SHISA9: variants seen among roughly 807,000 people sequenced by gnomAD.
SHISA9 encodes protein shisa-9.
In SHISA9, 13 loss-of-function variants were observed where a neutral mutation model predicts 38.0. The ratio of observed to expected loss-of-function variants is 0.34; its 90% CI spans 0.22 to 0.54. The LOEUF (loss-of-function observed/expected upper bound fraction) is 0.54. SHISA9 is among the 20% of genes least tolerant of loss of function. The probability of loss-of-function intolerance (pLI) is 0.91; values close to 1 mark genes in which losing one functional copy is unlikely to be tolerated. For synonymous variants in SHISA9, 275 were observed against 242.0 expected, an observed-to-expected ratio of 1.14 and a Z score of -1.27; for missense variants, 538 against 575.8, an observed-to-expected ratio of 0.93 and a Z score of 0.67.
At chr16:13,340,907 C>T in the SHISA9 span, among the ~76,000 whole-genome samples, 2 of 152,206 alleles carry the variant, frequency 1.3e-5, no homozygotes, top group African/African-American at 4.8e-5. Context: ...ATATAATTTC[C>T]ATGGTTACTT....
rs1179587971 is a variant in SHISA9, at chr16:12,996,656, A to T, written c.691+79841A>T. Among the ~76,000 whole-genome samples, 3 of 152,060 alleles carry T rather than the reference A, an allele frequency of 2.0e-5. No homozygotes were observed. The East Asian group carries it at 5.8e-4, about 29-fold the overall frequency. ...CTGGATCAGTGGTTTTTAACCTGGG[A>T]TCTATGGGTCCTCAGGGTCTTTGGA... On this transcript the variant is annotated intron_variant, in intron 2 of 4. Coordinates refer to ENST00000558583, the MANE Select transcript of SHISA9 (RefSeq NM_001145204.3).
At chr16:12,978,257 T>C (rs937518285) in intron 2 of SHISA9, among the ~76,000 whole-genome samples, 13 of 152,342 alleles carry the variant, frequency 8.5e-5, no homozygotes, top group East Asian at 1.9e-4. Flanking sequence ...AACAGCTTAC[T>C]GTTTATTCTG....
At chr16:13,396,233 G>A in the SHISA9 span, among the ~76,000 whole-genome samples, 2 of 152,194 alleles carry the variant, frequency 1.3e-5, no homozygotes, top group African/African-American at 2.4e-5. Context: ...TCGGCCGGAT[G>A]CAATGGCTCA....
the SHISA9 span, among the ~76,000 whole-genome samples, chr16:13,248,979 A>G: frequency 1.4e-4 from 22 of 152,322 alleles, no homozygotes; most frequent in Middle Eastern, 3.4e-3. Flanking sequence ...CTATGAGTCG[A>G]GTCATTCACC....
At chr16:13,481,500 T>A in the SHISA9 span, among the ~76,000 whole-genome samples, 2 of 152,206 alleles carry the variant, frequency 1.3e-5, no homozygotes, top group African/African-American at 4.8e-5. Flanking sequence ...TAGAGGTGCA[T>A]CCCCTCTGCT....
the SHISA9 span, among the ~76,000 whole-genome samples, chr16:13,360,768 G>C: frequency 6.6e-6 from 1 of 152,154 alleles, no homozygotes; most frequent in East Asian, 1.9e-4. Flanking sequence ...ACACCAACAG[G>C]ACAACCTGCA....
the SHISA9 span, among the ~76,000 whole-genome samples, chr16:13,362,028 C>A: frequency 6.6e-6 from 1 of 152,084 alleles, no homozygotes; most frequent in Non-Finnish European, 1.5e-5. Context: ...ATTCACTTAA[C>A]ATTTCCAGGC....
chr16:13,356,856 A>G, the SHISA9 span, among the ~76,000 whole-genome samples: 1 of 152,192 alleles, frequency 6.6e-6, no homozygotes, highest in African/African-American at 2.4e-5. Context: ...ATTTTGCAGG[A>G]TGGAAAAATT....
chr16:13,080,114 C>T (rs1036509839), intron 2 of SHISA9, among the ~76,000 whole-genome samples: 3 of 152,188 alleles, frequency 2.0e-5, no homozygotes. Context: ...TGGCTCACGC[C>T]TGTAATCCCA....
intron 2 of SHISA9, among the ~76,000 whole-genome samples, chr16:13,120,460 G>T (rs1421781770): frequency 6.6e-6 from 1 of 152,192 alleles, no homozygotes; most frequent in Non-Finnish European, 1.5e-5. Flanking sequence ...TGCCCCAAAG[G>T]TTTCCCATGG....
chr16:12,974,989 C>G (rs1349648978), intron 2 of SHISA9, among the ~76,000 whole-genome samples: 1 of 152,016 alleles, frequency 6.6e-6, no homozygotes, highest in East Asian at 1.9e-4. Flanking sequence ...AGCATTGGTA[C>G]CTTGTTAACC....
chr16:13,227,095 T>C (rs1171583782), intron 4 of SHISA9, among the ~76,000 whole-genome samples: 1 of 152,206 alleles, frequency 6.6e-6, no homozygotes, highest in Admixed American at 6.5e-5. Context: ...GCAGGATGAA[T>C]GCCTGCCTCT....
chr16:12,983,237 G>T (rs1376877351), intron 2 of SHISA9, among the ~76,000 whole-genome samples: 1 of 152,214 alleles, frequency 6.6e-6, no homozygotes, highest in Non-Finnish European at 1.5e-5. Flanking sequence ...GCTTGTGGCA[G>T]CGGGGAGTGG....
At chr16:13,476,924 A>G in the SHISA9 span, among the ~76,000 whole-genome samples, 1 of 150,688 alleles carries the variant, frequency 6.6e-6, no homozygotes, top group Admixed American at 6.6e-5. Flanking sequence ...AATTTTTTGT[A>G]TTTTTTAGTA....
the SHISA9 span, among the ~76,000 whole-genome samples, chr16:13,487,693 T>C: frequency 6.6e-6 from 1 of 152,268 alleles, no homozygotes; most frequent in African/African-American, 2.4e-5. Context: ...AGATTACTTA[T>C]AATACTAACA....
intron 2 of SHISA9, among the ~76,000 whole-genome samples, chr16:13,059,938 C>T (rs192492800): frequency 2.6e-5 from 4 of 152,300 alleles, no homozygotes; most frequent in African/African-American, 7.2e-5. Context: ...GACTCCAGAA[C>T]CGTGAGACAA....
chr16:12,994,718 A>G (rs919317698), intron 2 of SHISA9, among the ~76,000 whole-genome samples: 1 of 152,216 alleles, frequency 6.6e-6, no homozygotes, highest in Non-Finnish European at 1.5e-5. Context: ...GAGCCTAATG[A>G]AGGTAGGACT....
the SHISA9 span, among the ~76,000 whole-genome samples, chr16:13,373,129 A>G: frequency 2.0e-5 from 3 of 152,308 alleles, no homozygotes; most frequent in Middle Eastern, 6.8e-3. Context: ...TTTTATGTGC[A>G]AAATACTGGT....
At chr16:13,474,562 C>T in the SHISA9 span, among the ~76,000 whole-genome samples, 1 of 152,166 alleles carries the variant, frequency 6.6e-6, no homozygotes, top group Non-Finnish European at 1.5e-5. Flanking sequence ...CCATGAATTA[C>T]AAGGTACTTT....
Sources: allele counts gnomAD v4.1 joint callset (sites outside exome capture counted in the v4.1 genomes callset), GRCh38; gene constraint gnomAD v4.1.1; transcripts MANE v1.5; gene names NCBI Gene and HGNC (gene_info 2026-07-23, HGNC 2026-07-21).